Variants in PCMT1 observed in about 807,000 individuals in gnomAD.
The protein encoded by PCMT1 is protein-L-isoaspartate(D-aspartate) O-methyltransferase.
Under a neutral mutation model 29.2 loss-of-function variants are expected in PCMT1, and 9 were observed. The ratio of observed to expected loss-of-function variants is 0.31; its 90% CI spans 0.19 to 0.54. The LOEUF (loss-of-function observed/expected upper bound fraction) is 0.54. PCMT1 is among the 20% of genes least tolerant of loss of function. The probability of loss-of-function intolerance (pLI) is 0.95; values close to 1 mark genes in which losing one functional copy is unlikely to be tolerated. For synonymous variants in PCMT1, 98 were observed against 97.5 expected (o/e 1.00, Z -0.03); for missense variants, 184 against 282.2 (o/e 0.65, Z 2.49).
intron 7 of PCMT1, among the ~76,000 whole-genome samples, chr6:149,807,518 G>A (rs978017569): frequency 2.0e-5 from 3 of 152,066 alleles, no homozygotes; most frequent in Middle Eastern, 6.8e-3. Flanking sequence ...CTACAGGCAC[G>A]CACCACGAGG....
intron 4 of PCMT1, 61 bp downstream of exon 4, chr6:149,790,119 G>GT: frequency 1.0e-6 from 1 of 995,620 alleles, no homozygotes; most frequent in Non-Finnish European, 1.5e-6. Flanking sequence ...TTGGCTGTAT[G>GT]TTTTTTTAAC....
At chr6:149,791,242 G>C (rs192858297) in intron 4 of PCMT1, among the ~76,000 whole-genome samples, 2 of 152,340 alleles carry the variant, frequency 1.3e-5, no homozygotes, top group African/African-American at 2.4e-5. Context: ...TCCCTGCCCA[G>C]AATGAGCCTG....
At chr6:149,756,512 C>CTTTTTTTTTTTTT (rs61038108) in intron 1 of PCMT1, among the ~76,000 whole-genome samples, 3 of 74,718 alleles carry the variant, frequency 4.0e-5, no homozygotes, top group African/African-American at 5.4e-5. Flanking sequence ...CCATGACTGG[C>CTTTTTTTTTTTTT]TTTTTTTTTT....
At chr6:149,806,811 C>G (rs539981986) in intron 7 of PCMT1, among the ~76,000 whole-genome samples, 1 of 152,062 alleles carries the variant, frequency 6.6e-6, no homozygotes, top group African/African-American at 2.4e-5. Flanking sequence ...AGGCTGGTCT[C>G]GGACTCCTGA....
intron 5 of PCMT1, among the ~76,000 whole-genome samples, chr6:149,795,983 G>A (rs1788594940): frequency 6.6e-6 from 1 of 152,122 alleles, no homozygotes; most frequent in Non-Finnish European, 1.5e-5. Context: ...TATCCAGTCT[G>A]CCTTATCCTT....
intron 3 of PCMT1, among the ~76,000 whole-genome samples, chr6:149,777,619 C>A (rs568572668): frequency 6.6e-6 from 1 of 152,234 alleles, no homozygotes; most frequent in East Asian, 1.9e-4. Flanking sequence ...ATGAAAATCA[C>A]ATATGCACAC....
At chr6:149,760,806 C>G (rs376034217) in intron 1 of PCMT1, among the ~76,000 whole-genome samples, 1 of 152,100 alleles carries the variant, frequency 6.6e-6, no homozygotes, top group African/African-American at 2.4e-5. Flanking sequence ...GAGCCAAGAT[C>G]GTACCACTGC....
chr6:149,800,882 T>G (rs1160534427), intron 6 of PCMT1, among the ~76,000 whole-genome samples: 1 of 152,202 alleles, frequency 6.6e-6, no homozygotes, highest in Middle Eastern at 3.2e-3. Context: ...AATTCTATGC[T>G]CTGCCTTTGG....
chr6:149,773,005 A>G (rs1046663962), intron 2 of PCMT1, 133 bp from the exon 3 acceptor site: 28 of 670,814 alleles, frequency 4.2e-5, no homozygotes, highest in Non-Finnish European at 5.3e-5. Context: ...CGACACAGTG[A>G]GACTGTCTCA....
chr6:149,771,585 C>T (rs1369926665), intron 2 of PCMT1, among the ~76,000 whole-genome samples: 2 of 152,168 alleles, frequency 1.3e-5, no homozygotes, highest in Admixed American at 6.6e-5. Context: ...GGCACAATAT[C>T]GGCTCACTGC....
rs566814580 is a variant in PCMT1 at position 149,800,359 on chromosome 6, C to T, written c.505-1841C>T. Among the ~76,000 whole-genome samples the T allele has an allele frequency of 8.1e-4, 124 of 152,148 alleles. 1 individual carries two copies. Among genetic ancestry groups the T allele is most frequent in the Non-Finnish European group, 1.4e-3 (95 of 67,986 alleles). On this transcript the variant is annotated intron_variant, in intron 6 of 7. Coordinates refer to ENST00000464889, the MANE Select transcript of PCMT1 (RefSeq NM_001360452.2). ...TGGTGGGCACCTGTAATCCCAGCTA[C>T]TTGGGAGGCTGAGGCATGAGAATTG...
In PCMT1 at chr6:149,782,130, A is replaced by G. The variant is rs182823848; in HGVS notation, c.193-7824A>G. On this transcript the variant is annotated intron_variant, in intron 3 of 7. Transcript: ENST00000464889. The stretch of plus-strand genomic sequence containing the variant: ...CCATCTATGACTGTTAATAAGGAAA[A>G]CTTGTGTATCTATGTATGTATATAG... Among the ~76,000 whole-genome samples, 234 of 152,298 alleles carry G rather than the reference A, an allele frequency of 1.5e-3. 1 individual carries two copies. The highest frequency in any genetic ancestry group is 4.7e-3 in the African/African-American group (197 of 41,556).
chr6:149,766,450 A>C (rs1319307476), intron 1 of PCMT1, among the ~76,000 whole-genome samples: 1 of 152,250 alleles, frequency 6.6e-6, no homozygotes, highest in Non-Finnish European at 1.5e-5. Context: ...ACCAGTTGTA[A>C]GAATACAATT....
chr6:149,780,105 G>A (rs1482047115), intron 3 of PCMT1, among the ~76,000 whole-genome samples: 8 of 151,944 alleles, frequency 5.3e-5, no homozygotes, highest in Non-Finnish European at 7.4e-5. Flanking sequence ...TTGGGAGGCC[G>A]AGGCCAGAGG....
chr6:149,779,792 A>G (rs892435696), intron 3 of PCMT1, among the ~76,000 whole-genome samples: 1 of 152,106 alleles, frequency 6.6e-6, no homozygotes, highest in African/African-American at 2.4e-5. Context: ...AGCCTGGGCA[A>G]AAGATCAAAA....
At position 149,793,588 on chromosome 6, in the gene PCMT1, A is replaced by C; in HGVS notation, c.337A>C (p.Lys113Gln). Residue 113 changes from lysine to glutamine, a missense_variant, in exon 5 of 8, where the codon AAA (lysine) becomes CAA (glutamine). Transcript: ENST00000464889. ...AAAAGTCATAGGAATTGATCACATT[A>C]AAGAGCTAGTAGATGACTCAGTAAA... The part of the protein sequence containing the change: ...TGKVIGIDHI[K>Q]ELVDDSVNNV... The C allele has an allele frequency of 2.6e-6, 4 of 1,551,546 alleles. No homozygotes were observed. Among genetic ancestry groups the C allele is most frequent in the Non-Finnish European group, 3.5e-6 (4 of 1,157,574 alleles).
At chr6:149,750,203 C>T (rs1332602574) in intron 1 of PCMT1, 3 of 575,932 alleles carry the variant, frequency 5.2e-6, no homozygotes, top group African/African-American at 1.9e-5. Context: ...GGGGCAGGGG[C>T]AGTCGTCTCC....
At chr6:149,773,933 T>G (rs570914734) in intron 3 of PCMT1, among the ~76,000 whole-genome samples, 9 of 152,332 alleles carry the variant, frequency 5.9e-5, no homozygotes, top group Admixed American at 2.6e-4. Context: ...GAGAAAGACT[T>G]ACTTTGAGTG....
At chr6:149,799,606 A>G (rs573276127) in intron 6 of PCMT1, among the ~76,000 whole-genome samples, 2 of 152,366 alleles carry the variant, frequency 1.3e-5, no homozygotes, top group Admixed American at 6.5e-5. Flanking sequence ...AATGTCTTAA[A>G]ATTTAATGTA....
Sources: allele counts gnomAD v4.1 joint callset (sites outside exome capture counted in the v4.1 genomes callset), GRCh38; gene constraint gnomAD v4.1.1; transcripts MANE v1.5; gene names NCBI Gene and HGNC (gene_info 2026-07-23, HGNC 2026-07-21).